Variants in ANKS1B observed in about 807,000 individuals in gnomAD.
The protein encoded by ANKS1B is ankyrin repeat and sterile alpha motif domain containing 1B, also known as ankyrin repeat and sterile alpha motif domain-containing protein 1B.
ANKS1B carries 36 observed loss-of-function variants against 148.3 expected under a neutral mutation model. The observed-to-expected ratio is 0.24, with a 90% CI of 0.19 to 0.32. The LOEUF (loss-of-function observed/expected upper bound fraction) is 0.32, where lower values mean the gene tolerates loss of function less well. Ranked by LOEUF, ANKS1B falls within the 10% of genes least tolerant of loss-of-function variation. The probability of loss-of-function intolerance (pLI) is 1.00; values close to 1 mark genes in which losing one functional copy is unlikely to be tolerated. For synonymous variants in ANKS1B, 542 were observed against 560.8 expected, an observed-to-expected ratio of 0.97 and a Z score of 0.47; for missense variants, 1,157 against 1,542.6, an observed-to-expected ratio of 0.75 and a Z score of 4.19.
At chr12:99,716,671 C>T (rs1340103828) in intron 8 of ANKS1B, among the ~76,000 whole-genome samples, 1 of 152,116 alleles carries the variant, frequency 6.6e-6, no homozygotes, top group Non-Finnish European at 1.5e-5. Flanking sequence ...GTCTGAGGTG[C>T]CTGACATCCA....
intron 9 of ANKS1B, among the ~76,000 whole-genome samples, chr12:99,620,752 A>C (rs905692969): frequency 6.6e-6 from 1 of 152,186 alleles, no homozygotes; most frequent in Non-Finnish European, 1.5e-5. Context: ...AAGAAAGATA[A>C]GATTATGTAA....
intron 10 of ANKS1B, among the ~76,000 whole-genome samples, chr12:99,464,317 G>C (rs1264796141): frequency 1.3e-5 from 2 of 152,082 alleles, no homozygotes; most frequent in African/African-American, 4.8e-5. Flanking sequence ...AAAACCAAAA[G>C]TAGATAAAAC....
At chr12:99,817,488 C>T (rs989646504) in intron 2 of ANKS1B, among the ~76,000 whole-genome samples, 1 of 135,850 alleles carries the variant, frequency 7.4e-6, no homozygotes. Flanking sequence ...GCAGATATCA[C>T]TTTGATACCC....
At chr12:99,668,044 A>G (rs1291836472) in intron 8 of ANKS1B, among the ~76,000 whole-genome samples, 1 of 152,198 alleles carries the variant, frequency 6.6e-6, no homozygotes, top group African/African-American at 2.4e-5. Flanking sequence ...TGCTGACTTC[A>G]TATAATAAAT....
chr12:99,645,672 G>A (rs2098354917), intron 9 of ANKS1B, among the ~76,000 whole-genome samples: 1 of 152,104 alleles, frequency 6.6e-6, no homozygotes, highest in South Asian at 2.1e-4. Context: ...TTCATAAAAG[G>A]AATTTCTTAA....
At chr12:99,849,402 CA>C (rs960704666) in intron 1 of ANKS1B, among the ~76,000 whole-genome samples, 4 of 151,956 alleles carry the variant, frequency 2.6e-5, no homozygotes, top group African/African-American at 9.7e-5. Flanking sequence ...CAGATGAAAC[CA>C]AATGTTGCTG....
chr12:99,425,675 G>A (rs1055568810), intron 11 of ANKS1B, among the ~76,000 whole-genome samples: 2 of 151,728 alleles, frequency 1.3e-5, no homozygotes, highest in Non-Finnish European at 2.9e-5. Flanking sequence ...TTGATATTCA[G>A]CGCCATTAAT....
At chr12:98,863,455 C>T (rs888961054) in intron 17 of ANKS1B, among the ~76,000 whole-genome samples, 3 of 152,226 alleles carry the variant, frequency 2.0e-5, no homozygotes, top group African/African-American at 7.2e-5. Flanking sequence ...GGCTTCTGTG[C>T]TGTGTGCCTG....
At chr12:99,767,551 T>C (rs1406394761) in intron 8 of ANKS1B, among the ~76,000 whole-genome samples, 20 of 152,114 alleles carry the variant, frequency 1.3e-4, no homozygotes, top group Non-Finnish European at 1.5e-5. Context: ...AAAACATGAA[T>C]ATAAGGCTTG....
chr12:99,782,780 C>T (rs1421820578), intron 4 of ANKS1B, among the ~76,000 whole-genome samples: 4 of 152,092 alleles, frequency 2.6e-5, no homozygotes, highest in Non-Finnish European at 5.9e-5. Flanking sequence ...ATCATCCTGG[C>T]CCTCATATAT....
intron 17 of ANKS1B, among the ~76,000 whole-genome samples, chr12:98,846,611 G>A (rs970005861): frequency 2.6e-5 from 4 of 152,222 alleles, no homozygotes; most frequent in African/African-American, 9.6e-5. Flanking sequence ...GATGCTTTGA[G>A]GGCCAGAACA....
At chr12:99,693,908 G>A (rs2053509998) in intron 8 of ANKS1B, among the ~76,000 whole-genome samples, 1 of 150,920 alleles carries the variant, frequency 6.6e-6, no homozygotes, top group Non-Finnish European at 1.5e-5. Context: ...AGCCTCCCGA[G>A]TAGCTAGGAC....
At chr12:99,624,589 G>A (rs1177821887) in intron 9 of ANKS1B, among the ~76,000 whole-genome samples, 1 of 151,910 alleles carries the variant, frequency 6.6e-6, no homozygotes, top group Non-Finnish European at 1.5e-5. Flanking sequence ...GGGCAAAGGA[G>A]ATGAAAAGAC....
chr12:99,172,091 C>A (rs2077832202), intron 14 of ANKS1B, among the ~76,000 whole-genome samples: 1 of 151,904 alleles, frequency 6.6e-6, no homozygotes, highest in African/African-American at 2.4e-5. Flanking sequence ...ATTTTTGAGG[C>A]AAAAAGAAGG....
chr12:98,888,229 G>C (rs1417309573), intron 17 of ANKS1B, among the ~76,000 whole-genome samples: 6 of 152,144 alleles, frequency 3.9e-5, no homozygotes, highest in Non-Finnish European at 8.8e-5. Context: ...TGGATGGTGA[G>C]AACTATAGGG....
At chr12:99,746,567 T>A (rs2060616394) in intron 8 of ANKS1B, among the ~76,000 whole-genome samples, 1 of 152,134 alleles carries the variant, frequency 6.6e-6, no homozygotes, top group African/African-American at 2.4e-5. Context: ...TGTAATGACA[T>A]AAGTACAAAT....
At chr12:99,249,724 C>A (rs945692112) in intron 12 of ANKS1B, among the ~76,000 whole-genome samples, 3 of 152,178 alleles carry the variant, frequency 2.0e-5, no homozygotes, top group Admixed American at 1.3e-4. Context: ...ATCTAGTCCT[C>A]TCACGCTGAC....
At chr12:99,599,793 G>A (rs1385652727) in intron 9 of ANKS1B, among the ~76,000 whole-genome samples, 2 of 151,992 alleles carry the variant, frequency 1.3e-5, no homozygotes, top group Non-Finnish European at 2.9e-5. Context: ...AGAGGTGTCT[G>A]CATGGCATCC....
In ANKS1B at chr12:99,095,488, C is replaced by T. The variant is rs373863220; in HGVS notation, c.2527-10465G>A. Reference sequence around the variant, plus strand: ...AAGGTGACAGCGATGGGCCCACAGTCCTTGGACCTCCAATGATAGATATCT... The same window carrying T: ...AAGGTGACAGCGATGGGCCCACAGTTCTTGGACCTCCAATGATAGATATCT... On this transcript the variant is annotated intron_variant, in intron 15 of 26. Transcript: ENST00000683438. Among the ~76,000 whole-genome samples, 238 of 152,306 alleles carry T rather than the reference C, an allele frequency of 1.6e-3. 3 individuals carry two copies. The Middle Eastern group carries it at 0.034, about 22-fold the overall frequency.
Sources: allele counts gnomAD v4.1 joint callset (sites outside exome capture counted in the v4.1 genomes callset), GRCh38; gene constraint gnomAD v4.1.1; transcripts MANE v1.5; gene names NCBI Gene and HGNC (gene_info 2026-07-23, HGNC 2026-07-21).